The following NRXN1 variants were observed in gnomAD, a reference collection of about 807,000 sequenced individuals.
The protein encoded by NRXN1 is neurexin 1.
NRXN1 carries 39 observed loss-of-function variants against 150.9 expected under a neutral mutation model. The observed-to-expected ratio is 0.26, with a 90% CI of 0.20 to 0.34. The LOEUF (loss-of-function observed/expected upper bound fraction) is 0.34, where lower values mean the gene tolerates loss of function less well. Among genes scored for constraint, NRXN1 ranks in the 10% least tolerant of loss-of-function variants. The probability of loss-of-function intolerance (pLI) is 1.00; values close to 1 mark genes in which losing one functional copy is unlikely to be tolerated. For synonymous variants in NRXN1, 924 were observed against 757.0 expected (o/e 1.22, Z -3.62); for missense variants, 1,815 against 1,949.9 (o/e 0.93, Z 1.30).
chr2:50,735,621 T>G lies in NRXN1; in HGVS notation c.833-112006A>C, dbSNP rs949876627. ...TGTCTTTTCTTTGCCATGTCCTGTC[T>G]TTAAAAATAAATATCCTATTGTAAT... On this transcript the variant is annotated intron_variant, in intron 5 of 22. Transcript: ENST00000401669. Among the ~76,000 whole-genome samples, 3 of 152,216 alleles carry G rather than the reference T, an allele frequency of 2.0e-5. No individual in the cohort carries two copies. The East Asian group carries it at 5.8e-4, about 29-fold the overall frequency.
At chr2:50,208,345 G>C (rs2062764103) in intron 18 of NRXN1, among the ~76,000 whole-genome samples, 1 of 152,170 alleles carries the variant, frequency 6.6e-6, no homozygotes, top group African/African-American at 2.4e-5. Context: ...TGAGTGTACA[G>C]GTTACTGCAA....
At chr2:49,960,694 C>T (rs1287705306) in intron 21 of NRXN1, among the ~76,000 whole-genome samples, 2 of 152,118 alleles carry the variant, frequency 1.3e-5, no homozygotes, top group Admixed American at 6.6e-5. Flanking sequence ...ATTAACACCA[C>T]CCTCCCCAGA....
At chr2:50,342,050 C>T (rs1371139552) in intron 17 of NRXN1, among the ~76,000 whole-genome samples, 1 of 152,212 alleles carries the variant, frequency 6.6e-6, no homozygotes, top group Non-Finnish European at 1.5e-5. Flanking sequence ...ATCTTGCCTC[C>T]TCCAACCTCA....
chr2:50,350,336 A>AT (rs2078319494), intron 17 of NRXN1, among the ~76,000 whole-genome samples: 3 of 152,178 alleles, frequency 2.0e-5, no homozygotes, highest in Non-Finnish European at 1.5e-5. Context: ...GCCCTTTAGT[A>AT]TTATGCTTGA....
chr2:50,588,224 C>T (rs1050501013), intron 8 of NRXN1, among the ~76,000 whole-genome samples: 1 of 152,052 alleles, frequency 6.6e-6, no homozygotes, highest in African/African-American at 2.4e-5. Flanking sequence ...AGGCAAATTC[C>T]GCAAATGAAT....
At chr2:50,277,153 C>CA (rs1272138390) in intron 17 of NRXN1, among the ~76,000 whole-genome samples, 3 of 151,920 alleles carry the variant, frequency 2.0e-5, no homozygotes, top group South Asian at 2.1e-4. Context: ...ACAACAACAA[C>CA]AAAAAAAGCC....
chr2:51,018,019 G>C (rs754153380), intron 2 of NRXN1, among the ~76,000 whole-genome samples: 2 of 151,984 alleles, frequency 1.3e-5, no homozygotes, highest in African/African-American at 4.8e-5. Context: ...TCCGCTGGAC[G>C]GGGCTGTGGA....
chr2:50,547,896 T>A (rs2105316847), intron 9 of NRXN1, among the ~76,000 whole-genome samples: 1 of 152,236 alleles, frequency 6.6e-6, no homozygotes, highest in Non-Finnish European at 1.5e-5. Context: ...CAAGCAGAAT[T>A]AGTCAAACTG....
chr2:50,591,193 G>A (rs1674136695), intron 8 of NRXN1, among the ~76,000 whole-genome samples: 1 of 151,972 alleles, frequency 6.6e-6, no homozygotes, highest in African/African-American at 2.4e-5. Flanking sequence ...TTTTATCTGA[G>A]CTTGTTGTTT....
intron 21 of NRXN1, among the ~76,000 whole-genome samples, chr2:49,975,587 A>G (rs1678819380): frequency 6.6e-6 from 1 of 152,084 alleles, no homozygotes; most frequent in Non-Finnish European, 1.5e-5. Flanking sequence ...ATAATAAAGC[A>G]TTTTTCAAGT....
chr2:50,781,683 C>A (rs1359790301), intron 5 of NRXN1, among the ~76,000 whole-genome samples: 19 of 152,180 alleles, frequency 1.2e-4, no homozygotes, highest in Admixed American at 1.1e-3. Flanking sequence ...CTTTATAAAG[C>A]AATTCTCTAC....
At chr2:50,205,147 A>G (rs1044120493) in intron 18 of NRXN1, among the ~76,000 whole-genome samples, 1 of 152,132 alleles carries the variant, frequency 6.6e-6, no homozygotes, top group African/African-American at 2.4e-5. Flanking sequence ...ACCCAGACAT[A>G]CTGAAATTAA....
intron 5 of NRXN1, among the ~76,000 whole-genome samples, chr2:50,759,874 TAATC>T (rs1701600601): frequency 2.2e-5 from 3 of 135,290 alleles, no homozygotes; most frequent in South Asian, 2.4e-4. Flanking sequence ...GTGTGTGACT[TAATC>T]AATACCTAAC....
At chr2:50,648,561 A>G (rs1685144119) in intron 5 of NRXN1, among the ~76,000 whole-genome samples, 2 of 151,994 alleles carry the variant, frequency 1.3e-5, no homozygotes, top group African/African-American at 4.8e-5. Flanking sequence ...CAGGACCTCA[A>G]AAGATGGCAC....
At chr2:50,575,751 G>A (rs1444863242) in intron 8 of NRXN1, among the ~76,000 whole-genome samples, 1 of 152,118 alleles carries the variant, frequency 6.6e-6, no homozygotes, top group Non-Finnish European at 1.5e-5. Context: ...AGTACACCAT[G>A]TCTGACTTGT....
chr2:50,868,149 A>G (rs1330394166), intron 5 of NRXN1, among the ~76,000 whole-genome samples: 1 of 32,228 alleles, frequency 3.1e-5, no homozygotes, highest in Non-Finnish European at 6.0e-5. Flanking sequence ...TATTATATAT[A>G]TATATATATA....
At chr2:50,916,885 G>A (rs916364873) in intron 5 of NRXN1, 2 of 151,638 alleles carry the variant, frequency 1.3e-5, no homozygotes, top group Non-Finnish European at 3.0e-5. Flanking sequence ...CACAGCAAGA[G>A]ATAATACATA....
At chr2:50,068,488 A>G (rs17039751) in intron 19 of NRXN1, among the ~76,000 whole-genome samples, 3,393 of 152,300 alleles carry the variant, frequency 0.022, 145 homozygotes, top group African/African-American at 0.077. Flanking sequence ...AGAACCCTTG[A>G]TGGTTAAGAT....
chr2:50,495,834 G>T, intron 15 of NRXN1, 71 bp downstream of exon 15: 1 of 1,382,260 alleles, frequency 7.2e-7, no homozygotes, highest in Non-Finnish European at 9.8e-7. Context: ...ACACCCCTAA[G>T]CAAAGGATTT....
Sources: allele counts gnomAD v4.1 joint callset (sites outside exome capture counted in the v4.1 genomes callset), GRCh38; gene constraint gnomAD v4.1.1; transcripts MANE v1.5; gene names NCBI Gene and HGNC (gene_info 2026-07-23, HGNC 2026-07-21).